PRMT8: variants seen among roughly 807,000 people sequenced by gnomAD.
The protein encoded by PRMT8 is protein arginine N-methyltransferase 8.
PRMT8 carries 7 observed loss-of-function variants against 47.1 expected under a neutral mutation model. The observed-to-expected ratio is 0.15, with a 90% CI of 0.08 to 0.28. The LOEUF is 0.28. PRMT8 is among the 10% of genes least tolerant of loss of function. The pLI, the probability that PRMT8 is intolerant of heterozygous loss-of-function variation, is 1.00. For missense variants in PRMT8, 237 were observed against 505.4 expected, an observed-to-expected ratio of 0.47 and a Z score of 5.09; for synonymous variants, 188 against 186.5, an observed-to-expected ratio of 1.01 and a Z score of -0.07.
At chr12:3,590,898 C>T (rs1221745792) in intron 8 of PRMT8, among the ~76,000 whole-genome samples, 1 of 152,136 alleles carries the variant, frequency 6.6e-6, no homozygotes, top group African/African-American at 2.4e-5. Context: ...CCGGTCCCTG[C>T]CCTCATGGAG....
chr12:3,382,627 A>G (rs1864102974), intron 1 of PRMT8, among the ~76,000 whole-genome samples: 1 of 152,058 alleles, frequency 6.6e-6, no homozygotes, highest in Non-Finnish European at 1.5e-5. Context: ...TCTTCGTCAG[A>G]TATGTGGTTT....
At chr12:3,537,986 C>T (rs1204091372) in intron 1 of PRMT8, among the ~76,000 whole-genome samples, 2 of 152,148 alleles carry the variant, frequency 1.3e-5, no homozygotes, top group Admixed American at 6.5e-5. Flanking sequence ...GCAATAGCTC[C>T]CCGTTGTCTT....
At chr12:3,415,757 C>A (rs549600569) in intron 1 of PRMT8, among the ~76,000 whole-genome samples, 7 of 152,226 alleles carry the variant, frequency 4.6e-5, no homozygotes, top group African/African-American at 1.4e-4. Context: ...CTTCTCCAAA[C>A]CCCTCACTGT....
At chr12:3,585,487 T>C (rs887578607) in intron 8 of PRMT8, among the ~76,000 whole-genome samples, 12 of 149,876 alleles carry the variant, frequency 8.0e-5, no homozygotes, top group African/African-American at 2.7e-4. Context: ...GCCACCCAAG[T>C]AGCTGGGACT....
At chr12:3,406,907 G>T (rs1051548301) in intron 1 of PRMT8, among the ~76,000 whole-genome samples, 1 of 152,064 alleles carries the variant, frequency 6.6e-6, no homozygotes, top group Non-Finnish European at 1.5e-5. Flanking sequence ...TCGTTTTTGG[G>T]TATCTTTATA....
intron 1 of PRMT8, among the ~76,000 whole-genome samples, chr12:3,462,059 A>C (rs1865048333): frequency 6.6e-6 from 1 of 151,972 alleles, no homozygotes; most frequent in African/African-American, 2.4e-5. Context: ...CCATTCTCCG[A>C]TAGGCCCCAG....
At chr12:3,577,029 C>T in intron 7 of PRMT8, 43 bp downstream of exon 7, 3 of 1,527,998 alleles carry the variant, frequency 2.0e-6, no homozygotes, top group Non-Finnish European at 2.7e-6. Flanking sequence ...TGCTGGGAGC[C>T]CCGCTGTGCC....
rs986349267 is a variant in PRMT8 at position 3,586,605 on chromosome 12, A to G, written c.979+3397A>G. Among the ~76,000 whole-genome samples, 6 of 152,150 alleles carry G rather than the reference A, an allele frequency of 3.9e-5. No individual in the cohort carries two copies. The South Asian group carries it at 1.0e-3, about 26-fold the overall frequency. ...CACCTGGGAAATTGTTAGAATTGCA[A>G]ATTCTTGAGCCTCACCCTGGACCTC... On this transcript the variant is annotated intron_variant, in intron 8 of 9. Coordinates refer to ENST00000382622, the MANE Select transcript of PRMT8 (RefSeq NM_019854.5).
intron 1 of PRMT8, among the ~76,000 whole-genome samples, chr12:3,466,680 G>C (rs1865099777): frequency 6.6e-6 from 1 of 152,186 alleles, no homozygotes; most frequent in African/African-American, 2.4e-5. Context: ...ACATTATCTT[G>C]TTTTGGACAA....
At position 3,585,761 on chromosome 12, in the gene PRMT8, CCCT is replaced by C. The variant is rs570609028; in HGVS notation, c.979+2558_979+2560del. Among the ~76,000 whole-genome samples the C allele has an allele frequency of 2.3e-3, 353 of 152,212 alleles. 4 individuals are homozygous for C. The highest frequency in any genetic ancestry group is 8.2e-3 in the African/African-American group (339 of 41,526). On this transcript the variant is annotated intron_variant, in intron 8 of 9. Transcript: ENST00000382622. ...TGATCTGGGTCATTATCAGCTGCTG[CCCT>C]CCTCACAGGAGCAGTACATGTCTTC...
At chr12:3,554,910 C>A (rs941654469) in intron 4 of PRMT8, among the ~76,000 whole-genome samples, 3 of 152,196 alleles carry the variant, frequency 2.0e-5, no homozygotes, top group Non-Finnish European at 4.4e-5. Context: ...GCTGCCCTGT[C>A]ACCCCTCTGG....
intron 2 of PRMT8, among the ~76,000 whole-genome samples, chr12:3,545,178 C>T (rs1866306285): frequency 6.6e-6 from 1 of 152,202 alleles, no homozygotes; most frequent in Admixed American, 6.5e-5. Flanking sequence ...GATGAGGGAA[C>T]TGAGGCACAG....
At chr12:3,494,001 A>G (rs1210782926) in intron 1 of PRMT8, among the ~76,000 whole-genome samples, 1 of 152,226 alleles carries the variant, frequency 6.6e-6, no homozygotes, top group Non-Finnish European at 1.5e-5. Context: ...GTTTCCCTCC[A>G]GGAACTGGCT....
intron 1 of PRMT8, among the ~76,000 whole-genome samples, chr12:3,517,183 G>A (rs1411114623): frequency 6.6e-6 from 1 of 152,198 alleles, no homozygotes; most frequent in Non-Finnish European, 1.5e-5. Context: ...TTCTGGGTGT[G>A]CCCGCTCATC....
chr12:3,563,833 C>T (rs976523038), intron 4 of PRMT8, among the ~76,000 whole-genome samples: 4 of 152,256 alleles, frequency 2.6e-5, no homozygotes, highest in East Asian at 1.9e-4. Flanking sequence ...AAGTAACATA[C>T]GGAAAATCAC....
At position 3,583,359 on chromosome 12, in the gene PRMT8, A is replaced by G. The variant is rs1469624441; in HGVS notation, c.979+151A>G. 6.1e-6 allele frequency: 5 copies of G among 822,888 alleles called. No individual in the cohort carries two copies. The African/African-American group carries it at 6.9e-5, about 11-fold the overall frequency. 51.0% of individuals were successfully genotyped at this position (822,888 alleles called of 1,614,324 possible). Reference sequence around the variant, plus strand: ...AACCCTCTCCAGCCATGGAGGAACCATGCATCCCTATATTTGTGCTGTCCA... The same window carrying G: ...AACCCTCTCCAGCCATGGAGGAACCGTGCATCCCTATATTTGTGCTGTCCA... On this transcript the variant is annotated intron_variant, in intron 8 of 9. Coordinates refer to ENST00000382622, the MANE Select transcript of PRMT8 (RefSeq NM_019854.5). The surrounding 1 kb of genome is among the most constrained non-coding windows in gnomAD (Gnocchi z 4.7).
chr12:3,528,007 C>T (rs1047494188), intron 1 of PRMT8, among the ~76,000 whole-genome samples: 11 of 152,262 alleles, frequency 7.2e-5, no homozygotes, highest in African/African-American at 2.4e-4. Flanking sequence ...TTATGGGAAG[C>T]TGGCTGTCAT....
rs897226569 is a variant in PRMT8, at chr12:3,436,488, C to CT, written c.48+55055dup. 1.8e-4 allele frequency among the ~76,000 whole-genome samples: 27 copies of CT among 151,264 alleles called. No individual in the cohort carries two copies. The highest frequency in any genetic ancestry group is 6.3e-4 in the South Asian group (3 of 4,758). On this transcript the variant is annotated intron_variant, in intron 1 of 9. Transcript: ENST00000452611. The surrounding 1 kb of genome is among the most constrained non-coding windows in gnomAD (Gnocchi z 4.2). ...TAGCTGCTTTCTTTCTTTCTTTTTTCTTTTTTTTTATGAGCTGCTATTGTC... is the reference window on the plus strand; with the variant it reads ...TAGCTGCTTTCTTTCTTTCTTTTTTCTTTTTTTTTTATGAGCTGCTATTGTC...
At chr12:3,489,591 CT>C (rs1242496100), upstream of PRMT8, among the ~76,000 whole-genome samples, 1 of 152,082 alleles carries the variant, frequency 6.6e-6, no homozygotes, top group Non-Finnish European at 1.5e-5. Flanking sequence ...TCTTTTGTCT[CT>C]GAGAAGATGC....
Sources: gnomAD v4.1 joint callset for allele counts (sites outside exome capture counted in the v4.1 genomes callset) on GRCh38, gnomAD v4.1.1 for gene constraint, Gnocchi (gnomAD v3.1) non-coding constraint, MANE v1.5 for transcripts, NCBI Gene and HGNC (gene_info 2026-07-23, HGNC 2026-07-21) for gene names.